Variants in FSD1L observed in about 807,000 individuals in gnomAD.
FSD1L encodes fibronectin type III and SPRY domain containing 1 like, also known as FSD1-like protein.
A neutral mutation model predicts 71.6 loss-of-function variants in FSD1L; 45 were observed. The ratio of observed to expected loss-of-function variants is 0.63; its 90% confidence interval spans 0.49 to 0.81. The LOEUF (loss-of-function observed/expected upper bound fraction) is 0.81, where lower values mean the gene tolerates loss of function less well. Among genes scored for constraint, FSD1L ranks in the 30% least tolerant of loss-of-function variants. The probability of loss-of-function intolerance (pLI) is 0.00; values close to 1 mark genes in which losing one functional copy is unlikely to be tolerated. For synonymous variants in FSD1L, 197 were observed against 207.2 expected (o/e 0.95, Z 0.42); for missense variants, 561 against 618.1 (o/e 0.91, Z 0.98).
intron 9 of FSD1L, 35 bp from the exon 10 acceptor site, chr9:105,512,772 A>T (rs1589048779): frequency 1.6e-6 from 2 of 1,235,786 alleles, no homozygotes; most frequent in Non-Finnish European, 2.2e-6. Context: ...GATATGCTAT[A>T]TTTTAAAAAT....
intron 10 of FSD1L, among the ~76,000 whole-genome samples, chr9:105,530,076 C>G (rs532835897): frequency 2.9e-4 from 44 of 152,210 alleles, no homozygotes; most frequent in Non-Finnish European, 5.4e-4. Context: ...AAATCAAGAA[C>G]CAGAATGTCA....
At chr9:105,536,355 A>G (rs1285991624) in intron 12 of FSD1L, among the ~76,000 whole-genome samples, 1 of 152,208 alleles carries the variant, frequency 6.6e-6, no homozygotes, top group Non-Finnish European at 1.5e-5. Flanking sequence ...TTCTGTTATT[A>G]GCTGCCCCTG....
intron 10 of FSD1L, chr9:105,513,780 G>A (rs182254000): frequency 3.7e-6 from 2 of 535,956 alleles, no homozygotes; most frequent in East Asian, 6.0e-5. Flanking sequence ...GACTGTATTG[G>A]TAGCTTATGT....
intron 10 of FSD1L, among the ~76,000 whole-genome samples, chr9:105,518,078 T>C (rs564665966): frequency 6.6e-6 from 1 of 152,272 alleles, no homozygotes; most frequent in South Asian, 2.1e-4. Flanking sequence ...CATTACATAA[T>C]GGTAAAGGGA....
chr9:105,531,455 GA>G (rs1329713489), intron 10 of FSD1L, among the ~76,000 whole-genome samples: 3 of 152,210 alleles, frequency 2.0e-5, no homozygotes, highest in Non-Finnish European at 2.9e-5. Context: ...TTAATGGTAA[GA>G]TAGTACTAGC....
chr9:105,536,420 A>G (rs950339016), intron 12 of FSD1L, among the ~76,000 whole-genome samples: 1 of 152,082 alleles, frequency 6.6e-6, no homozygotes, highest in African/African-American at 2.4e-5. Context: ...CTAGTATGTC[A>G]GTGTTTTTCT....
At chr9:105,445,687 C>G (rs1224230290), upstream of FSD1L, among the ~76,000 whole-genome samples, 1 of 152,182 alleles carries the variant, frequency 6.6e-6, no homozygotes, top group African/African-American at 2.4e-5. Flanking sequence ...GTTCTCCAAT[C>G]GCCAGGCTAT....
At chr9:105,482,697 T>C (rs1832290517) in intron 6 of FSD1L, among the ~76,000 whole-genome samples, 1 of 152,202 alleles carries the variant, frequency 6.6e-6, no homozygotes, top group Non-Finnish European at 1.5e-5. Context: ...GAAACTTAAG[T>C]TTTCATTGAC....
chr9:105,484,786 C>T (rs1202577209), intron 7 of FSD1L, among the ~76,000 whole-genome samples: 1 of 151,996 alleles, frequency 6.6e-6, no homozygotes, highest in Admixed American at 6.5e-5. Flanking sequence ...GGCCAGACTT[C>T]TTAGGTTTGA....
rs766421540 is a variant in FSD1L at position 105,515,787 on chromosome 9, G to GTT, written c.1025+2851_1025+2852insTT. On this transcript the variant is annotated intron_variant, in intron 10 of 13. Transcript: ENST00000481272. ...GGCAGACACCAAACTAGCTGCAGAA[G>GTT]GTTTTTTTTTTTTTTTCCATACTCC... is the stretch of plus-strand genomic sequence containing the variant. Among the ~76,000 whole-genome samples, 1,339 of 147,102 alleles carry GTT rather than the reference G, an allele frequency of 9.1e-3. 21 individuals carry two copies. Among genetic ancestry groups the GTT allele is most frequent in the African/African-American group, 0.033 (1,284 of 39,246 alleles).
intron 7 of FSD1L, among the ~76,000 whole-genome samples, chr9:105,491,761 T>C (rs1832956802): frequency 6.6e-6 from 1 of 152,182 alleles, no homozygotes; most frequent in Non-Finnish European, 1.5e-5. Flanking sequence ...GATAATCATG[T>C]GGTTTTTGTC....
chr9:105,520,056 C>T (rs958639036), intron 10 of FSD1L: 1 of 1,528,882 alleles, frequency 6.5e-7, no homozygotes, highest in South Asian at 1.2e-5. Context: ...CCTCCCCGTC[C>T]ACTCCCTCCA....
chr9:105,494,462 T>G (rs868359745), intron 7 of FSD1L, among the ~76,000 whole-genome samples: 3 of 152,172 alleles, frequency 2.0e-5, no homozygotes, highest in African/African-American at 7.2e-5. Context: ...TCCTGTAGCT[T>G]GGAGTAGTTT....
intron 7 of FSD1L, among the ~76,000 whole-genome samples, chr9:105,487,791 C>T (rs544803174): frequency 5.3e-5 from 8 of 152,166 alleles, no homozygotes; most frequent in African/African-American, 1.2e-4. Flanking sequence ...TTATAAAGGT[C>T]TTACTTAGAA....
In FSD1L at chr9:105,546,507, C is replaced by T. The variant is rs1837015027; in HGVS notation, c.*24C>T. The T allele has an allele frequency of 6.6e-7, 1 of 1,510,194 alleles. No homozygotes were observed. The highest frequency in any genetic ancestry group is 2.4e-5 in the Admixed American group (1 of 42,110). 93.5% of individuals were successfully genotyped at this position (1,510,194 alleles called of 1,614,324 possible). A position where few individuals can be genotyped will look rare whatever the true frequency, so the allele number is the denominator to read the frequency against. On this transcript the variant is annotated 3_prime_UTR_variant, in exon 14 of 14. Transcript: ENST00000481272. ...AGTGTCTACTCAGAATACGTTTACC[C>T]TCCGTCTTGATTAGGTGGCCTTTTC...
chr9:105,533,568 A>ATCTG (rs1836060640), intron 10 of FSD1L, among the ~76,000 whole-genome samples: 1 of 149,080 alleles, frequency 6.7e-6, no homozygotes. Context: ...GATTACAGGC[A>ATCTG]CCCACAACCA....
intron 7 of FSD1L, among the ~76,000 whole-genome samples, chr9:105,491,551 G>A (rs1229196180): frequency 6.6e-6 from 1 of 152,148 alleles, no homozygotes; most frequent in African/African-American, 2.4e-5. Flanking sequence ...TAGGAGTGGT[G>A]AGAGAGGGCA....
chr9:105,469,078 A>G (rs935553060), intron 4 of FSD1L, among the ~76,000 whole-genome samples: 4 of 152,224 alleles, frequency 2.6e-5, no homozygotes, highest in African/African-American at 9.6e-5. Context: ...TATTCATGTT[A>G]TATAGCATGT....
intron 10 of FSD1L, among the ~76,000 whole-genome samples, chr9:105,516,316 T>G (rs1283663761): frequency 6.6e-6 from 1 of 152,154 alleles, no homozygotes; most frequent in African/African-American, 2.4e-5. Flanking sequence ...GCAGCGGACC[T>G]CCAAGCACAG....
Sources: allele counts gnomAD v4.1 joint callset (sites outside exome capture counted in the v4.1 genomes callset), GRCh38; gene constraint gnomAD v4.1.1; transcripts MANE v1.5; gene names NCBI Gene and HGNC (gene_info 2026-07-23, HGNC 2026-07-21).